The following METTL15 variants were observed in gnomAD, a reference collection of about 807,000 sequenced individuals.
METTL15 encodes methyltransferase 15, mitochondrial 12S rRNA N4-cytidine.
In METTL15, 34 loss-of-function variants were observed where a neutral mutation model predicts 38.3. The observed-to-expected ratio is 0.89, with a 90% CI of 0.68 to 1.18. METTL15 has a LOEUF of 1.18. Ranked by LOEUF, METTL15 falls within the 50% of genes most tolerant of loss-of-function variation. The probability of loss-of-function intolerance (pLI) is 0.00; values close to 1 mark genes in which losing one functional copy is unlikely to be tolerated. For synonymous variants in METTL15, 162 were observed against 170.9 expected (o/e 0.95, Z 0.41); for missense variants, 438 against 498.4 (o/e 0.88, Z 1.15).
intron 3 of METTL15, among the ~76,000 whole-genome samples, chr11:28,141,020 A>G (rs1849681601): frequency 1.3e-5 from 2 of 152,184 alleles, no homozygotes; most frequent in Non-Finnish European, 2.9e-5. Context: ...CCCGATGCCC[A>G]GAAAGTTAAT....
chr11:28,211,222 A>T, intron 4 of METTL15, 24 bp downstream of exon 4: 1 of 1,586,140 alleles, frequency 6.3e-7, no homozygotes, highest in Non-Finnish European at 8.6e-7. Flanking sequence ...TTGCATATTT[A>T]TTTGATTTTG....
chr11:28,177,976 A>G (rs1851138415), intron 3 of METTL15, among the ~76,000 whole-genome samples: 1 of 152,014 alleles, frequency 6.6e-6, no homozygotes, highest in Non-Finnish European at 1.5e-5. Context: ...ATATTATTAC[A>G]TTGCTGATTT....
intron 4 of METTL15, among the ~76,000 whole-genome samples, chr11:28,266,433 G>A (rs1016241167): frequency 3.9e-5 from 6 of 152,122 alleles, no homozygotes; most frequent in South Asian, 2.1e-4. Flanking sequence ...GCTGGAAACC[G>A]TCATTCTCAG....
At position 28,156,397 on chromosome 11, in the gene METTL15, TCA is replaced by T. The variant is rs541943043; in HGVS notation, c.270+42794_270+42795del. 3.3e-5 allele frequency among the ~76,000 whole-genome samples: 5 copies of T among 152,334 alleles called. No individual in the cohort carries two copies. In the East Asian group the frequency reaches 9.6e-4, roughly 29 times the overall value. ...TTTGAGACTTCAACATAAATAGATT[TCA>T]GTGTGTTAAGAAAGTGTATATTTAG... is the stretch of plus-strand genomic sequence containing the variant. On this transcript the variant is annotated intron_variant, in intron 3 of 6. Transcript: ENST00000407364.
chr11:28,180,692 A>G (rs1349866602), intron 3 of METTL15, among the ~76,000 whole-genome samples: 2 of 151,832 alleles, frequency 1.3e-5, no homozygotes, highest in African/African-American at 4.8e-5. Flanking sequence ...CTGAGATGAC[A>G]AAAAGTGAGG....
intron 4 of METTL15, among the ~76,000 whole-genome samples, chr11:28,225,184 A>G (rs1363976141): frequency 6.6e-6 from 1 of 151,768 alleles, no homozygotes; most frequent in East Asian, 1.9e-4. Flanking sequence ...GTCTACTCTT[A>G]TGATAACTAT....
intron 6 of METTL15, among the ~76,000 whole-genome samples, chr11:28,302,964 A>G (rs1409868145): frequency 6.6e-6 from 1 of 152,134 alleles, no homozygotes; most frequent in Non-Finnish European, 1.5e-5. Flanking sequence ...CTTAATTTTG[A>G]AAAAATGGCC....
intron 4 of METTL15, among the ~76,000 whole-genome samples, chr11:28,356,378 G>C (rs1238225807): frequency 3.3e-5 from 5 of 152,154 alleles, no homozygotes; most frequent in Non-Finnish European, 5.9e-5. Flanking sequence ...CTCAATATTT[G>C]TCAAATGAGT....
At chr11:28,330,028 C>T (rs1359075043) in intron 6 of METTL15, among the ~76,000 whole-genome samples, 1 of 151,924 alleles carries the variant, frequency 6.6e-6, no homozygotes, top group Non-Finnish European at 1.5e-5. Context: ...TATGATATGC[C>T]TATGTGCAGC....
At chr11:28,431,144 C>G in intron 6 of METTL15, among the ~76,000 whole-genome samples, 1 of 80,810 alleles carries the variant, frequency 1.2e-5, no homozygotes, top group East Asian at 3.2e-4. Flanking sequence ...CCGCCCCATC[C>G]GGGAGGGAGG....
chr11:28,491,529 A>G (rs1372920685), intron 6 of METTL15, among the ~76,000 whole-genome samples: 1 of 152,080 alleles, frequency 6.6e-6, no homozygotes, highest in African/African-American at 2.4e-5. Flanking sequence ...CTCTGCTGAT[A>G]AACAGGGATG....
intron 4 of METTL15, among the ~76,000 whole-genome samples, chr11:28,265,234 C>T (rs773459552): frequency 2.0e-5 from 3 of 151,444 alleles, no homozygotes; most frequent in Admixed American, 6.6e-5. Flanking sequence ...AGACTTGATC[C>T]TCATTCCCAT....
At chr11:28,258,038 C>T (rs911447989) in intron 4 of METTL15, among the ~76,000 whole-genome samples, 2 of 152,096 alleles carry the variant, frequency 1.3e-5, no homozygotes, top group African/African-American at 4.8e-5. Context: ...GGAAGGCTTT[C>T]CAGAGATTTG....
At chr11:28,203,919 A>G (rs1367156477) in intron 3 of METTL15, among the ~76,000 whole-genome samples, 1 of 152,060 alleles carries the variant, frequency 6.6e-6, no homozygotes, top group African/African-American at 2.4e-5. Flanking sequence ...TCAGTTGGCA[A>G]TATTAGGAAT....
intron 4 of METTL15, among the ~76,000 whole-genome samples, chr11:28,226,036 A>G (rs1313732352): frequency 1.3e-5 from 2 of 151,918 alleles, no homozygotes; most frequent in Non-Finnish European, 2.9e-5. Flanking sequence ...CTTTTCTTAT[A>G]TAATATTTTC....
intron 3 of METTL15, among the ~76,000 whole-genome samples, chr11:28,179,290 T>C (rs1851194424): frequency 1.3e-5 from 2 of 151,832 alleles, no homozygotes; most frequent in African/African-American, 4.8e-5. Context: ...TTTTTCATTA[T>C]GCGTTATTTT....
chr11:28,416,158 C>T (rs1049680141), intron 5 of METTL15, among the ~76,000 whole-genome samples: 21 of 152,248 alleles, frequency 1.4e-4, no homozygotes, highest in Admixed American at 3.3e-4. Flanking sequence ...GCTCCCAACC[C>T]ATGTTCCCGG....
At chr11:28,258,130 G>A (rs564886111) in intron 4 of METTL15, among the ~76,000 whole-genome samples, 2 of 152,338 alleles carry the variant, frequency 1.3e-5, no homozygotes, top group East Asian at 3.9e-4. Flanking sequence ...TTGCAGGCTT[G>A]AAGAGGTACT....
intron 6 of METTL15, among the ~76,000 whole-genome samples, chr11:28,446,747 A>T (rs1353997074): frequency 6.6e-6 from 1 of 152,150 alleles, no homozygotes; most frequent in Non-Finnish European, 1.5e-5. Flanking sequence ...TAAAATAATG[A>T]ATGTTTATTG....
Sources: gnomAD v4.1 joint callset for allele counts (sites outside exome capture counted in the v4.1 genomes callset) on GRCh38, gnomAD v4.1.1 for gene constraint, MANE v1.5 for transcripts, NCBI Gene and HGNC (gene_info 2026-07-23, HGNC 2026-07-21) for gene names.